The following BICD2 variants were observed in gnomAD, a reference collection of about 807,000 sequenced individuals.
The protein encoded by BICD2 is protein bicaudal D homolog 2.
A neutral mutation model predicts 72.9 loss-of-function variants in BICD2; 25 were observed. The ratio of observed to expected loss-of-function variants is 0.34; its 90% CI spans 0.25 to 0.48. The LOEUF is 0.48. Ranked by LOEUF, BICD2 falls within the 20% of genes least tolerant of loss-of-function variation. The pLI is 0.99. For synonymous variants in BICD2, 501 were observed against 516.1 expected, an observed-to-expected ratio of 0.97 and a Z score of 0.40; for missense variants, 894 against 1,175.2, an observed-to-expected ratio of 0.76 and a Z score of 3.50.
In BICD2 at chr9:92,728,932, C is replaced by CAGCCCAGCCCA. The variant is rs1853622548; in HGVS notation, c.453+81_453+91dup. ...AGCCAGCTGCAGCGTCCCCAGAGGC[C>CAGCCCAGCCCA]AGCCCAGCCCAGCCACCCACCAGGC... On this transcript the variant is annotated intron_variant, in intron 2 of 6. Transcript: ENST00000356884. 30 of 1,422,886 alleles carry CAGCCCAGCCCA rather than the reference C, an allele frequency of 2.1e-5. 1 individual carries two copies. The South Asian group carries it at 3.6e-4, about 17-fold the overall frequency. 88.1% of individuals were successfully genotyped at this position (1,422,886 alleles called of 1,614,324 possible).
At chr9:92,738,106 G>A (rs1853825291) in intron 1 of BICD2, among the ~76,000 whole-genome samples, 1 of 152,200 alleles carries the variant, frequency 6.6e-6, no homozygotes, top group Non-Finnish European at 1.5e-5. Flanking sequence ...GGCTGCCTGG[G>A]CCCACGTCCT....
rs780376822 is a variant in BICD2, at chr9:92,739,348, C to T, written c.241-10112G>A. Among the ~76,000 whole-genome samples, 8 of 152,194 alleles carry T rather than the reference C, an allele frequency of 5.3e-5. No homozygotes were observed. In the South Asian group the frequency reaches 1.0e-3, roughly 20 times the overall value. On this transcript the variant is annotated intron_variant, in intron 1 of 6. Transcript: ENST00000356884. ...TATCAGGCCTCCCAAGACCCAAGTC[C>T]GAGGGCCTGTAGCCCAGACAGTCAG...
chr9:92,739,253 T>C (rs555116551), intron 1 of BICD2, among the ~76,000 whole-genome samples: 31 of 152,334 alleles, frequency 2.0e-4, no homozygotes, highest in African/African-American at 7.2e-4. Context: ...CAATGTTTAC[T>C]AACAGCACTT....
intron 2 of BICD2, among the ~76,000 whole-genome samples, chr9:92,727,585 C>T (rs1313902331): frequency 5.9e-5 from 9 of 152,220 alleles, no homozygotes; most frequent in Non-Finnish European, 1.3e-4. Context: ...TCAAAGGCCA[C>T]GGCCAGGAGG....
intron 1 of BICD2, among the ~76,000 whole-genome samples, chr9:92,747,148 G>C (rs1202877640): frequency 6.6e-6 from 1 of 152,170 alleles, no homozygotes; most frequent in African/African-American, 2.4e-5. Flanking sequence ...CAGACCTTCT[G>C]GATGACTTCC....
rs565637364 is a variant in BICD2, at chr9:92,711,503, C to T, written c.*3651G>A. 73 of 152,738 alleles carry T rather than the reference C, an allele frequency of 4.8e-4. 1 individual carries two copies. Among genetic ancestry groups the T allele is most frequent in the African/African-American group, 1.6e-3 (65 of 41,566 alleles). 9.5% of individuals were successfully genotyped at this position (152,738 alleles called of 1,614,324 possible). The stretch of plus-strand genomic sequence containing the variant: ...GAAAATCTCAATTAATTTCTCCTTC[C>T]TATTCCTTTTCCATGCTCTGCCTCA... On this transcript the variant is annotated 3_prime_UTR_variant, in exon 7 of 7. Coordinates refer to ENST00000356884, the MANE Select transcript of BICD2 (RefSeq NM_001003800.2).
In BICD2 at chr9:92,720,059, C is replaced by A. The variant is rs1256607306; in HGVS notation, c.1062+241G>T. Among the ~76,000 whole-genome samples the A allele has an allele frequency of 6.6e-6, 1 of 152,242 alleles. No individual in the cohort carries two copies. Among genetic ancestry groups the A allele is most frequent in the Non-Finnish European group, 1.5e-5 (1 of 68,044 alleles). On this transcript the variant is annotated intron_variant, in intron 4 of 6. Coordinates refer to ENST00000356884, the MANE Select transcript of BICD2 (RefSeq NM_001003800.2). The surrounding 1 kb of genome is among the most constrained non-coding windows in gnomAD (Gnocchi z 5.4). ...CATGTGGGCCAGTGTCTCATCACTT[C>A]ACCCTGACACCACGTAGTTAACAGG...
intron 1 of BICD2, among the ~76,000 whole-genome samples, chr9:92,730,585 G>A (rs1461566393): frequency 6.6e-6 from 1 of 152,200 alleles, no homozygotes; most frequent in Non-Finnish European, 1.5e-5. Context: ...GCACTGTGAG[G>A]ATCACAGGAT....
At chr9:92,739,952 G>A (rs1315000593) in intron 1 of BICD2, among the ~76,000 whole-genome samples, 3 of 152,204 alleles carry the variant, frequency 2.0e-5, no homozygotes, top group African/African-American at 7.2e-5. Flanking sequence ...CCTTATTACA[G>A]TCACCAGGGT....
At position 92,729,304 on chromosome 9, in the gene BICD2, C is replaced by G. The variant is rs1374176794; in HGVS notation, c.241-68G>C. ...GGCGCCGAAGGATAGAGACCCAGCTCACAGGCGACATTCATGCTGCAGAAC... is the reference window on the plus strand; with the variant it reads ...GGCGCCGAAGGATAGAGACCCAGCTGACAGGCGACATTCATGCTGCAGAAC... On this transcript the variant is annotated intron_variant, in intron 1 of 6. Transcript: ENST00000356884. 7 of 1,509,428 alleles carry G rather than the reference C, an allele frequency of 4.6e-6. No homozygotes were observed. In the African/African-American group the frequency reaches 9.6e-5, roughly 21 times the overall value. The allele number at this position is 1,509,428 out of a possible 1,614,324, so 93.5% of individuals were successfully genotyped here. A position where few individuals can be genotyped will look rare whatever the true frequency, so the allele number is the denominator to read the frequency against.
intron 5 of BICD2, among the ~76,000 whole-genome samples, 173 bp downstream of exon 5, chr9:92,718,366 G>A (rs1391155245): frequency 6.6e-6 from 1 of 152,230 alleles, no homozygotes; most frequent in Admixed American, 6.5e-5. Context: ...CACCCTCCCA[G>A]CTGGGGGCCC....
Position 92,720,765 on chromosome 9 carries a change from G to T in BICD2, c.607-10C>A. On this transcript the variant is annotated splice_polypyrimidine_tract_variant and intron_variant, in intron 3 of 6. Coordinates refer to ENST00000356884, the MANE Select transcript of BICD2 (RefSeq NM_001003800.2). The surrounding 1 kb of genome is among the most constrained non-coding windows in gnomAD (Gnocchi z 5.4). Reference sequence around the variant, plus strand: ...GGCCCTCAAACTCCACCTGGGAAGAGAAGTCAACGCTCTTGCATCAATGCA... The same window carrying T: ...GGCCCTCAAACTCCACCTGGGAAGATAAGTCAACGCTCTTGCATCAATGCA... The T allele has an allele frequency of 6.2e-7, 1 of 1,612,034 alleles. No homozygotes were observed. Among genetic ancestry groups the T allele is most frequent in the East Asian group, 2.2e-5 (1 of 44,844 alleles).
chr9:92,741,487 G>A (rs1384149554), intron 1 of BICD2, among the ~76,000 whole-genome samples: 1 of 152,196 alleles, frequency 6.6e-6, no homozygotes. Context: ...ATTTTTAAAG[G>A]AATTTAAAAT....
At position 92,764,401 on chromosome 9, in the gene BICD2, C is replaced by A. The variant is rs1854437600; in HGVS notation, c.240+104G>T. On this transcript the variant is annotated intron_variant, in intron 1 of 6. Coordinates refer to ENST00000356884, the MANE Select transcript of BICD2 (RefSeq NM_001003800.2). This position sits in a 1 kb window ranked among gnomAD's most constrained non-coding sequence, Gnocchi z 5.5. Reference sequence around the variant, plus strand: ...CTCCGCCCCGGCGGCCCACCCCTGCCGGCCCCCGCTTGGCAAGCTGACCTT... The same window carrying A: ...CTCCGCCCCGGCGGCCCACCCCTGCAGGCCCCCGCTTGGCAAGCTGACCTT... The A allele has an allele frequency of 1.5e-6, 2 of 1,350,968 alleles. No homozygotes were observed. The highest frequency in any genetic ancestry group is 1.9e-6 in the Non-Finnish European group (2 of 1,054,080). 83.7% of individuals were successfully genotyped at this position (1,350,968 alleles called of 1,614,324 possible).
In BICD2 at chr9:92,764,321, C is replaced by T. The variant is rs1854435548; in HGVS notation, c.240+184G>A. On this transcript the variant is annotated intron_variant, in intron 1 of 6. Coordinates refer to ENST00000356884, the MANE Select transcript of BICD2 (RefSeq NM_001003800.2). This position sits in a 1 kb window ranked among gnomAD's most constrained non-coding sequence, Gnocchi z 5.5. ...GCATTAGCGGCGTCTGCAACGGCCG[C>T]GGCACCGGCCTGCTAGCCAAGGCCG... 6.6e-6 allele frequency among the ~76,000 whole-genome samples: 1 copy of T among 152,148 alleles called. No individual in the cohort carries two copies. Among genetic ancestry groups the T allele is most frequent in the Non-Finnish European group, 1.5e-5 (1 of 68,004 alleles).
intron 3 of BICD2, among the ~76,000 whole-genome samples, chr9:92,721,188 A>G (rs376958338): frequency 1.5e-4 from 23 of 152,240 alleles, no homozygotes; most frequent in African/African-American, 5.5e-4. Context: ...AAAATTCTAT[A>G]AAGTTATTTA....
chr9:92,717,829 G>A lies in BICD2; in HGVS notation c.2226C>T (p.Thr742=). ...CAAACATAGCACGCAGCGAGGAGAA[G>A]GTGGCTGCGTCCTCCTTGAGGGCCT... ...ELKALKEDAA[T]FSSLRAMFAT... Residue 742 remains threonine, a synonymous_variant, in exon 6 of 7, where the codon ACC becomes ACT. Coordinates refer to ENST00000356884, the MANE Select transcript of BICD2 (RefSeq NM_001003800.2). 6.2e-7 allele frequency: 1 copy of A among 1,612,160 alleles called. No homozygotes were observed. Among genetic ancestry groups the A allele is most frequent in the South Asian group, 1.1e-5 (1 of 90,962 alleles).
chr9:92,715,524 G>A, intron 6 of BICD2, 61 bp from the exon 7 acceptor site: 1 of 1,511,552 alleles, frequency 6.6e-7, no homozygotes, highest in Non-Finnish European at 8.9e-7. Context: ...GGGCAGGGCA[G>A]GGCAGGGCTA....
At chr9:92,735,212 C>T (rs1180841022) in intron 1 of BICD2, among the ~76,000 whole-genome samples, 1 of 152,184 alleles carries the variant, frequency 6.6e-6, no homozygotes. Context: ...AGAATGCTGT[C>T]TTCAGGTTTG....
Sources: allele counts gnomAD v4.1 joint callset (sites outside exome capture counted in the v4.1 genomes callset), GRCh38; gene constraint gnomAD v4.1.1; non-coding constraint Gnocchi (gnomAD v3.1); transcripts MANE v1.5; gene names NCBI Gene and HGNC (gene_info 2026-07-23, HGNC 2026-07-21).